ATP5PB: variants seen among roughly 807,000 people sequenced by gnomAD.
ATP5PB encodes the protein ATP synthase peripheral stalk-membrane subunit b.
ATP5PB carries 21 observed loss-of-function variants against 34.5 expected under a neutral mutation model. The ratio of observed to expected loss-of-function variants is 0.61; its 90% CI spans 0.43 to 0.88. The LOEUF is 0.88. Among genes scored for constraint, ATP5PB ranks in the 40% least tolerant of loss-of-function variants. ATP5PB has a pLI of 0.00. For missense variants in ATP5PB, 293 were observed against 317.4 expected, an observed-to-expected ratio of 0.92 and a Z score of 0.58; for synonymous variants, 108 against 114.1, an observed-to-expected ratio of 0.95 and a Z score of 0.34.
chr1:111,460,359 C>T (rs561036635), intron 6 of ATP5PB, among the ~76,000 whole-genome samples: 27 of 144,342 alleles, frequency 1.9e-4, no homozygotes, highest in African/African-American at 5.6e-4. Flanking sequence ...TTTTCTTTCT[C>T]GAGTTTATAA....
In ATP5PB at chr1:111,461,345, T is replaced by A. The variant is rs1423209724; in HGVS notation, c.*351T>A. 5 of 198,494 alleles carry A rather than the reference T, an allele frequency of 2.5e-5. No homozygotes were observed. The highest frequency in any genetic ancestry group is 5.3e-5 in the Non-Finnish European group (5 of 94,986). The allele number at this position is 198,494 out of a possible 1,614,324, so 12.3% of individuals were successfully genotyped here. A position where few individuals can be genotyped will look rare whatever the true frequency, so the allele number is the denominator to read the frequency against. On this transcript the variant is annotated 3_prime_UTR_variant, in exon 7 of 7. Transcript: ENST00000369722. The stretch of plus-strand genomic sequence containing the variant: ...ATTGAATGAAACAGGGTTTTTCAAG[T>A]TGTATAATTCTCTGAAATACTCAGC...
At chr1:111,457,265 A>G (rs1172064454) in intron 5 of ATP5PB, among the ~76,000 whole-genome samples, 3 of 151,862 alleles carry the variant, frequency 2.0e-5, no homozygotes, top group Non-Finnish European at 4.4e-5. Context: ...GTTAGCTGTG[A>G]TCCCACCACT....
At chr1:111,456,395 G>C in intron 4 of ATP5PB, 146 bp downstream of exon 4, 1 of 1,110,914 alleles carries the variant, frequency 9.0e-7, no homozygotes, top group East Asian at 2.8e-5. Flanking sequence ...TTACTAATTT[G>C]AGATAATTTT....
At chr1:111,450,028 A>G (rs1653270005) in intron 2 of ATP5PB, among the ~76,000 whole-genome samples, 155 bp downstream of exon 2, 1 of 152,140 alleles carries the variant, frequency 6.6e-6, no homozygotes, top group Admixed American at 6.5e-5. Context: ...TGTTCCTGTA[A>G]CTGCCAGGAA....
At chr1:111,460,666 A>G (rs763323060) in intron 6 of ATP5PB, among the ~76,000 whole-genome samples, 3 of 152,196 alleles carry the variant, frequency 2.0e-5, no homozygotes, top group Non-Finnish European at 2.9e-5. Flanking sequence ...AATTCTATAC[A>G]GGTTTCACCC....
chr1:111,449,492 C>T lies in ATP5PB; in HGVS notation c.-50C>T, dbSNP rs780629447. Reference sequence around the variant, plus strand: ...CTTGGTCCTGCCCTGACAGATTCTCCTATCGGGGTCACAGGGACGCTAAGA... The same window carrying T: ...CTTGGTCCTGCCCTGACAGATTCTCTTATCGGGGTCACAGGGACGCTAAGA... On this transcript the variant is annotated 5_prime_UTR_variant, in exon 1 of 7. Transcript: ENST00000369722. 120 of 1,614,226 alleles carry T rather than the reference C, an allele frequency of 7.4e-5. No homozygotes were observed. Among genetic ancestry groups the T allele is most frequent in the Non-Finnish European group, 1.0e-4 (118 of 1,180,032 alleles).
In ATP5PB at chr1:111,456,636, C is replaced by T; in HGVS notation, c.394C>T (p.Leu132Phe). ...DFADKLNEQK[L>F]AQLEEAKQAS... ...GTTGCTATCACAATTGTAGCAAAAA[C>T]TTGCCCAACTAGAAGAGGCGAAGCA... The change falls in exon 5 of 7, where the codon CTT becomes TTT. Residue 132 changes from leucine to phenylalanine, a missense_variant. Leu to Phe is a conservative substitution (Grantham distance 22). Transcript: ENST00000369722. The T allele has an allele frequency of 6.2e-7, 1 of 1,611,712 alleles. No homozygotes were observed. The highest frequency in any genetic ancestry group is 1.1e-5 in the South Asian group (1 of 90,620).
rs1314200999 is a variant in ATP5PB at position 111,449,558 on chromosome 1, T to C, written c.17T>C (p.Val6Ala). 6.2e-7 allele frequency: 1 copy of C among 1,611,022 alleles called. No individual in the cohort carries two copies. Among genetic ancestry groups the C allele is most frequent in the Non-Finnish European group, 8.5e-7 (1 of 1,178,238 alleles). ...TCGTTGACCATGCTGTCCCGGGTGG[T>C]ACTTTCCGCCGCCGCCACAGCGGGT... MLSRV[V>A]LSAAATAAPS... The change falls in exon 1 of 7, where the codon GTA becomes GCA. Residue 6 changes from valine (V) to alanine (A), a missense_variant. Physicochemically the swap from Val to Ala is moderately conservative, Grantham distance 64. Transcript: ENST00000369722.
At chr1:111,459,164 A>G (rs1442214029) in intron 5 of ATP5PB, among the ~76,000 whole-genome samples, 1 of 152,158 alleles carries the variant, frequency 6.6e-6, no homozygotes, top group Admixed American at 6.5e-5. Context: ...ATATGCCTAT[A>G]TTTTGATGGG....
chr1:111,451,759 G>A (rs1232858093), intron 2 of ATP5PB, among the ~76,000 whole-genome samples: 2 of 152,034 alleles, frequency 1.3e-5, no homozygotes, highest in African/African-American at 4.8e-5. Context: ...GTGTTTCTTT[G>A]TTTGTTTTTG....
chr1:111,454,438 TTTGTTG>T lies in ATP5PB; in HGVS notation c.223+109_223+114del, dbSNP rs571310902. ...GTTAGGTGGGTTTTCTTCTTTGGTT[TTTGTTG>T]TTGTTGTTGTTGTTGTTGTTGTTGT... On this transcript the variant is annotated intron_variant, in intron 3 of 6. Coordinates refer to ENST00000369722, the MANE Select transcript of ATP5PB (RefSeq NM_001688.5). 2.5e-4 allele frequency: 367 copies of T among 1,454,800 alleles called. No individual in the cohort carries two copies. In the African/African-American group the frequency reaches 2.9e-3, roughly 12 times the overall value. 90.1% of individuals were successfully genotyped at this position (1,454,800 alleles called of 1,614,324 possible).
At chr1:111,459,369 G>A in intron 5 of ATP5PB, 88 bp from the exon 6 acceptor site, 3 of 1,251,484 alleles carry the variant, frequency 2.4e-6, no homozygotes, top group South Asian at 1.7e-5. Context: ...TACAAAAGAA[G>A]TGGGCATTCT....
At chr1:111,450,432 A>G (rs1027222222) in intron 2 of ATP5PB, among the ~76,000 whole-genome samples, 1 of 152,202 alleles carries the variant, frequency 6.6e-6, no homozygotes, top group Non-Finnish European at 1.5e-5. Flanking sequence ...CCTTAAGAGT[A>G]TTGGTTTAGA....
At chr1:111,453,405 A>G (rs1216522100) in intron 2 of ATP5PB, among the ~76,000 whole-genome samples, 2 of 135,090 alleles carry the variant, frequency 1.5e-5, no homozygotes, top group East Asian at 4.0e-4. Context: ...TACCTCATTA[A>G]AAAAAAAAAA....
chr1:111,457,984 T>C (rs556950843), intron 5 of ATP5PB, among the ~76,000 whole-genome samples: 3 of 152,336 alleles, frequency 2.0e-5, no homozygotes, highest in South Asian at 4.1e-4. Context: ...GATAGTAATT[T>C]AGGTTTTTAT....
intron 6 of ATP5PB, among the ~76,000 whole-genome samples, chr1:111,460,453 G>T (rs868124580): frequency 0.015 from 1,533 of 105,656 alleles, 12 homozygotes; most frequent in Admixed American, 0.027. Context: ...TTTTTTTTTT[G>T]ATAAACTTTT....
intron 1 of ATP5PB, 53 bp downstream of exon 1, chr1:111,449,634 A>G (rs752110007): frequency 8.9e-6 from 14 of 1,566,778 alleles, no homozygotes; most frequent in Non-Finnish European, 1.2e-5. Context: ...AAAGAAGCGA[A>G]TCTAGGGGTG....
chr1:111,461,114 A>T lies in ATP5PB; in HGVS notation c.*120A>T, dbSNP rs1241157699. 6.4e-6 allele frequency: 6 copies of T among 930,508 alleles called. No individual in the cohort carries two copies. The highest frequency in any genetic ancestry group is 9.8e-6 in the Non-Finnish European group (6 of 613,714). 57.6% of individuals were successfully genotyped at this position (930,508 alleles called of 1,614,324 possible). A position where few individuals can be genotyped will look rare whatever the true frequency, so the allele number is the denominator to read the frequency against. ...AAGTTATAGTTTACCCTTCCTAAAA[A>T]TGAAAAGTTTGTTTCATATAGTGAG... On this transcript the variant is annotated 3_prime_UTR_variant, in exon 7 of 7. Transcript: ENST00000369722.
intron 1 of ATP5PB, 79 bp downstream of exon 1, chr1:111,449,660 G>C: frequency 1.9e-6 from 3 of 1,555,226 alleles, no homozygotes; most frequent in Non-Finnish European, 2.6e-6. Flanking sequence ...GAGGGGAGAA[G>C]GGCGCAGCGA....
Sources: allele counts gnomAD v4.1 joint callset (sites outside exome capture counted in the v4.1 genomes callset), GRCh38; gene constraint gnomAD v4.1.1; transcripts MANE v1.5; gene names NCBI Gene and HGNC (gene_info 2026-07-23, HGNC 2026-07-21).